Variants in CRIM1 observed in about 807,000 individuals in gnomAD.
CRIM1 encodes cysteine-rich motor neuron 1 protein.
A neutral mutation model predicts 116.4 loss-of-function variants in CRIM1; 32 were observed. The ratio of observed to expected loss-of-function variants is 0.27; its 90% CI spans 0.21 to 0.37. The LOEUF (loss-of-function observed/expected upper bound fraction) is 0.37, where lower values mean the gene tolerates loss of function less well. CRIM1 is among the 10% of genes least tolerant of loss of function. The probability of loss-of-function intolerance (pLI) is 1.00; values close to 1 mark genes in which losing one functional copy is unlikely to be tolerated. For missense variants in CRIM1, 1,331 were observed against 1,354.8 expected, an observed-to-expected ratio of 0.98 and a Z score of 0.28; for synonymous variants, 590 against 509.2, an observed-to-expected ratio of 1.16 and a Z score of -2.13.
rs140753944 is a variant in CRIM1, at chr2:36,356,616, T to C, written c.324T>C (p.Val108=). 6.6e-4 allele frequency: 1,055 copies of C among 1,606,594 alleles called. 7 individuals are homozygous for C. In the African/African-American group the frequency reaches 8.4e-3, roughly 13 times the overall value. The change falls in exon 1 of 17, where the codon GTT becomes GTC. Residue 108 remains valine (V), a synonymous_variant. Transcript: ENST00000280527. The surrounding 1 kb of genome is among the most constrained non-coding windows in gnomAD (Gnocchi z 4.3). Reference sequence around the variant, plus strand: ...CCCTCACCGAGTACGAAGCGGGCGTTTGCGAAGGTACGGCCGCCCGCTGCG... The same window carrying C: ...CCCTCACCGAGTACGAAGCGGGCGTCTGCGAAGGTACGGCCGCCCGCTGCG... The part of the protein sequence containing the change: ...GDSLTEYEAG[V]CEDENWTDDQ...
intron 4 of CRIM1, among the ~76,000 whole-genome samples, chr2:36,451,125 C>CA (rs1166796380): frequency 1.3e-5 from 2 of 152,168 alleles, no homozygotes; most frequent in African/African-American, 4.8e-5. Context: ...TAAATAATTA[C>CA]ATACTCATCG....
chr2:36,398,449 T>C (rs910225199), intron 2 of CRIM1, among the ~76,000 whole-genome samples: 10 of 152,174 alleles, frequency 6.6e-5, no homozygotes, highest in African/African-American at 2.4e-4. Flanking sequence ...TTGTAATTAG[T>C]TAGGCGTGTA....
chr2:36,550,737 G>C lies in CRIM1; in HGVS notation c.*2036G>C, dbSNP rs1667712027. ...TTGTTAATGATACATTACAAAAATAGATTGACATCAGCCTGATTAGTATAA... is the reference window on the plus strand; with the variant it reads ...TTGTTAATGATACATTACAAAAATACATTGACATCAGCCTGATTAGTATAA... On this transcript the variant is annotated 3_prime_UTR_variant, in exon 17 of 17. Coordinates refer to ENST00000280527, the MANE Select transcript of CRIM1 (RefSeq NM_016441.3). 6.6e-6 allele frequency: 1 copy of C among 152,392 alleles called. No homozygotes were observed. The highest frequency in any genetic ancestry group is 1.5e-5 in the Non-Finnish European group (1 of 67,978). 9.4% of individuals were successfully genotyped at this position (152,392 alleles called of 1,614,324 possible). A position where few individuals can be genotyped will look rare whatever the true frequency, so the allele number is the denominator to read the frequency against.
Position 36,452,722 on chromosome 2 carries a change from A to G in CRIM1, c.869+9987A>G, listed in dbSNP as rs182787763. ...TCACCTTAAATTTGACCTAGTGTCTAGCCTTATTTTGTATTTGTCTTAGTC... is the reference window on the plus strand; with the variant it reads ...TCACCTTAAATTTGACCTAGTGTCTGGCCTTATTTTGTATTTGTCTTAGTC... On this transcript the variant is annotated intron_variant, in intron 4 of 16. Transcript: ENST00000280527. Among the ~76,000 whole-genome samples, 198 of 152,108 alleles carry G rather than the reference A, an allele frequency of 1.3e-3. 1 individual carries two copies. The highest frequency in any genetic ancestry group is 4.4e-3 in the African/African-American group (184 of 41,480).
At chr2:36,378,245 GTAAT>G in intron 1 of CRIM1, 1 of 466,448 alleles carries the variant, frequency 2.1e-6, no homozygotes, top group Non-Finnish European at 4.5e-6. Flanking sequence ...AAATCAATGA[GTAAT>G]TGATGGGATA....
intron 7 of CRIM1, among the ~76,000 whole-genome samples, chr2:36,492,192 G>A (rs1006282159): frequency 7.2e-5 from 11 of 152,010 alleles, no homozygotes; most frequent in African/African-American, 2.2e-4. Context: ...TTCCTTTTCC[G>A]ATCACAAAAT....
At chr2:36,360,019 G>A (rs1398885169) in intron 1 of CRIM1, among the ~76,000 whole-genome samples, 1 of 152,206 alleles carries the variant, frequency 6.6e-6, no homozygotes, top group African/African-American at 2.4e-5. Flanking sequence ...AAATCTGGAT[G>A]GAAGACATCT....
chr2:36,377,159 C>A (rs1188824592), intron 1 of CRIM1, among the ~76,000 whole-genome samples: 4 of 152,220 alleles, frequency 2.6e-5, no homozygotes, highest in African/African-American at 9.6e-5. Context: ...CGCTGTCCAG[C>A]CAGCTGATGA....
chr2:36,532,473 G>C (rs1481542697), intron 13 of CRIM1, among the ~76,000 whole-genome samples: 1 of 152,138 alleles, frequency 6.6e-6, no homozygotes, highest in East Asian at 1.9e-4. Context: ...TAACCCACTT[G>C]GTTATCTCCA....
chr2:36,374,860 T>C (rs575801478), intron 1 of CRIM1, among the ~76,000 whole-genome samples: 2 of 68,568 alleles, frequency 2.9e-5, no homozygotes, highest in South Asian at 6.8e-4. Context: ...TGGCTCTTGA[T>C]GTTTTTTTTT....
chr2:36,398,623 C>T (rs138654272), intron 2 of CRIM1, among the ~76,000 whole-genome samples: 1 of 152,234 alleles, frequency 6.6e-6, no homozygotes, highest in African/African-American at 2.4e-5. Flanking sequence ...TTGTTATTTT[C>T]CAACTTATTA....
Position 36,441,366 on chromosome 2 carries a change from C to G in CRIM1, c.614C>G (p.Pro205Arg), listed in dbSNP as rs771686787. Residue 205 changes from proline to arginine, a missense_variant, in exon 3 of 17, where the codon CCC becomes CGC. Physicochemically the swap from Pro to Arg is moderately radical, Grantham distance 103. Coordinates refer to ENST00000280527, the MANE Select transcript of CRIM1 (RefSeq NM_016441.3). ...TATGCTCCTCCTGGGGAGTGCTGTC[C>G]CTTACCCAGCCGCTGCGTGTGCAAC... The part of the protein sequence containing the change: ...EGYAPPGECC[P>R]LPSRCVCNPA... The G allele has an allele frequency of 2.7e-5, 43 of 1,614,060 alleles. 1 individual carries two copies. Among genetic ancestry groups the G allele is most frequent in the Non-Finnish European group, 3.5e-5 (41 of 1,180,038 alleles).
chr2:36,418,389 C>T (rs1340534079), intron 2 of CRIM1, among the ~76,000 whole-genome samples: 1 of 152,116 alleles, frequency 6.6e-6, no homozygotes, highest in African/African-American at 2.4e-5. Flanking sequence ...CTGCAGCCTC[C>T]ACCTCCCCAG....
chr2:36,424,566 A>G (rs1165253419), intron 2 of CRIM1, among the ~76,000 whole-genome samples: 1 of 152,198 alleles, frequency 6.6e-6, no homozygotes, highest in Admixed American at 6.5e-5. Context: ...AGTAGGACAT[A>G]TGGGAGCATG....
At chr2:36,406,223 T>C (rs1327143638) in intron 2 of CRIM1, among the ~76,000 whole-genome samples, 2 of 152,256 alleles carry the variant, frequency 1.3e-5, no homozygotes, top group Non-Finnish European at 2.9e-5. Flanking sequence ...GTTAAACTAA[T>C]AAGACAGTCG....
At chr2:36,416,125 T>C (rs1389309426) in intron 2 of CRIM1, among the ~76,000 whole-genome samples, 1 of 152,070 alleles carries the variant, frequency 6.6e-6, no homozygotes, top group Admixed American at 6.5e-5. Flanking sequence ...GGAGAATCAC[T>C]TGAACCTGGG....
chr2:36,391,881 C>T (rs1027868926), intron 1 of CRIM1, among the ~76,000 whole-genome samples: 6 of 151,296 alleles, frequency 4.0e-5, no homozygotes, highest in Non-Finnish European at 7.4e-5. Flanking sequence ...TAGTAAGTTA[C>T]TGTATTCACC....
intron 6 of CRIM1, among the ~76,000 whole-genome samples, chr2:36,478,535 C>G (rs1259252902): frequency 2.6e-5 from 4 of 152,306 alleles, no homozygotes; most frequent in Admixed American, 2.6e-4. Context: ...TTCTCTTGCT[C>G]AGGTCCATTG....
intron 2 of CRIM1, among the ~76,000 whole-genome samples, chr2:36,420,991 A>C (rs189221741): frequency 6.6e-6 from 1 of 152,310 alleles, no homozygotes; most frequent in East Asian, 1.9e-4. Context: ...CGTGGTGTTT[A>C]ACATTGGCAG....
Sources: allele counts gnomAD v4.1 joint callset (sites outside exome capture counted in the v4.1 genomes callset), GRCh38; gene constraint gnomAD v4.1.1; non-coding constraint Gnocchi (gnomAD v3.1); transcripts MANE v1.5; gene names NCBI Gene and HGNC (gene_info 2026-07-23, HGNC 2026-07-21).